The following RBFOX1 variants were observed in gnomAD, a reference collection of about 807,000 sequenced individuals.
The protein encoded by RBFOX1 is RNA binding fox-1 homolog 1, also known as RNA binding protein fox-1 homolog 1.
Under a neutral mutation model 57.7 loss-of-function variants are expected in RBFOX1, and 8 were observed. That is an observed-to-expected ratio of 0.14 (90% CI 0.08 to 0.25). RBFOX1 has a LOEUF of 0.25. Among genes scored for constraint, RBFOX1 ranks in the 10% least tolerant of loss-of-function variants. The pLI is 1.00. For synonymous variants in RBFOX1, 326 were observed against 222.4 expected, an observed-to-expected ratio of 1.47 and a Z score of -4.15; for missense variants, 611 against 548.5, an observed-to-expected ratio of 1.11 and a Z score of -1.14.
intron 3 of RBFOX1, among the ~76,000 whole-genome samples, chr16:5,627,343 G>A (rs1015820721): frequency 2.6e-5 from 4 of 152,074 alleles, no homozygotes; most frequent in Admixed American, 2.6e-4. Context: ...AAACAGTCTG[G>A]TAGAATTGTA....
intron 1 of RBFOX1, among the ~76,000 whole-genome samples, chr16:6,155,765 T>C (rs894397765): frequency 2.0e-5 from 3 of 152,192 alleles, no homozygotes; most frequent in Admixed American, 1.3e-4. Flanking sequence ...GCGGCTTCCA[T>C]GTGGGACTCT....
chr16:5,610,000 C>T (rs1432266309), intron 3 of RBFOX1, among the ~76,000 whole-genome samples: 1 of 152,176 alleles, frequency 6.6e-6, no homozygotes. Flanking sequence ...TGTCTAAGCC[C>T]TGCTTAGCAC....
Position 6,840,431 on chromosome 16 carries a change from C to T in RBFOX1, c.-16+185781C>T, listed in dbSNP as rs541349438. On this transcript the variant is annotated intron_variant, in intron 3 of 15. Transcript: ENST00000550418. ...GTTGAGTATGATCACAGTCTTCTTT[C>T]AACTATAATTAGTAGAATTAACTGC... Among the ~76,000 whole-genome samples, 12 of 152,226 alleles carry T rather than the reference C, an allele frequency of 7.9e-5. No homozygotes were observed. In the South Asian group the frequency reaches 2.5e-3, roughly 32 times the overall value.
At chr16:7,449,370 G>C (rs992111794) in intron 4 of RBFOX1, among the ~76,000 whole-genome samples, 3 of 152,118 alleles carry the variant, frequency 2.0e-5, no homozygotes, top group African/African-American at 7.2e-5. Context: ...AGTAGTCAGT[G>C]GGGGAGAATG....
At chr16:6,243,400 A>G (rs2097550389) in intron 1 of RBFOX1, among the ~76,000 whole-genome samples, 1 of 152,184 alleles carries the variant, frequency 6.6e-6, no homozygotes, top group Non-Finnish European at 1.5e-5. Context: ...TTCTTCCAAT[A>G]ATGCCTGTTA....
At chr16:5,820,757 C>A (rs1177683920) in intron 3 of RBFOX1, among the ~76,000 whole-genome samples, 3 of 152,188 alleles carry the variant, frequency 2.0e-5, no homozygotes. Flanking sequence ...CTCCTGTGCT[C>A]TCCCAGCCTC....
chr16:6,506,668 G>A (rs2096101907), intron 2 of RBFOX1, among the ~76,000 whole-genome samples: 1 of 81,542 alleles, frequency 1.2e-5, no homozygotes. Context: ...TTTTTTTTGA[G>A]ATGGAGTCTC....
rs774463396 is a variant in RBFOX1 at position 5,390,857 on chromosome 16, G to C, written c.220-76359G>C. On this transcript the variant is annotated intron_variant, in intron 1 of 2. Transcript: ENST00000585867. ...ATGCTGAAGCTGTGGCAGCCATCTT[G>C]TCACCATAAGGGAAAGCTAGGACCC... Among the ~76,000 whole-genome samples the C allele has an allele frequency of 2.0e-5, 3 of 152,176 alleles. No individual in the cohort carries two copies. The South Asian group carries it at 6.2e-4, about 32-fold the overall frequency.
At chr16:7,077,495 A>G (rs2058491616) in intron 4 of RBFOX1, among the ~76,000 whole-genome samples, 1 of 152,182 alleles carries the variant, frequency 6.6e-6, no homozygotes, top group Non-Finnish European at 1.5e-5. Context: ...GTAAGATCAT[A>G]AACATGGACT....
intron 3 of RBFOX1, among the ~76,000 whole-genome samples, chr16:6,816,314 A>C (rs76560822): frequency 2.8e-4 from 42 of 152,260 alleles, no homozygotes; most frequent in African/African-American, 9.9e-4. Flanking sequence ...GTTGCAATCA[A>C]TCATTCAGTC....
At chr16:6,173,289 G>A (rs2096975745) in intron 1 of RBFOX1, among the ~76,000 whole-genome samples, 1 of 152,102 alleles carries the variant, frequency 6.6e-6, no homozygotes, top group African/African-American at 2.4e-5. Context: ...CAGGAAAACA[G>A]ATCTCAAATA....
chr16:7,667,509 G>C (rs1192289829), intron 13 of RBFOX1, among the ~76,000 whole-genome samples: 2 of 152,118 alleles, frequency 1.3e-5, no homozygotes, highest in Admixed American at 6.6e-5. Context: ...AGAGATGATG[G>C]TTAAACAGAC....
chr16:6,809,157 T>G (rs2087746333), intron 3 of RBFOX1, among the ~76,000 whole-genome samples: 1 of 152,212 alleles, frequency 6.6e-6, no homozygotes, highest in Non-Finnish European at 1.5e-5. Flanking sequence ...CACTGCTGAT[T>G]TCTGTAAGTC....
At chr16:7,627,238 A>C (rs1230710764) in intron 10 of RBFOX1, among the ~76,000 whole-genome samples, 1 of 151,520 alleles carries the variant, frequency 6.6e-6, no homozygotes, top group Non-Finnish European at 1.5e-5. Flanking sequence ...CTCTAAGAGC[A>C]GGAACAGCAT....
intron 3 of RBFOX1, among the ~76,000 whole-genome samples, chr16:6,711,003 A>T (rs970400743): frequency 6.6e-6 from 1 of 152,204 alleles, no homozygotes; most frequent in African/African-American, 2.4e-5. Flanking sequence ...AAAATGGCAC[A>T]TACCCATTGC....
chr16:7,011,599 C>A (rs13332794), intron 3 of RBFOX1, among the ~76,000 whole-genome samples: 1 of 152,098 alleles, frequency 6.6e-6, no homozygotes, highest in Admixed American at 6.5e-5. Context: ...CTGCAAGCTC[C>A]GCATCCCGGG....
At chr16:7,426,905 A>T (rs2098622459) in intron 4 of RBFOX1, among the ~76,000 whole-genome samples, 1 of 152,206 alleles carries the variant, frequency 6.6e-6, no homozygotes, top group Non-Finnish European at 1.5e-5. Flanking sequence ...AGTCTGTGGC[A>T]GATACACACC....
At chr16:6,661,314 C>T (rs1466398517) in intron 3 of RBFOX1, among the ~76,000 whole-genome samples, 2 of 152,136 alleles carry the variant, frequency 1.3e-5, no homozygotes, top group South Asian at 4.1e-4. Flanking sequence ...CTATGAAAGG[C>T]CCTCCTGGCA....
At chr16:5,564,098 C>T (rs552864029) in intron 2 of RBFOX1, among the ~76,000 whole-genome samples, 1 of 150,390 alleles carries the variant, frequency 6.6e-6, no homozygotes, top group East Asian at 1.9e-4. Flanking sequence ...ACTTCAACCT[C>T]CACCTCCCAG....
Sources: allele counts gnomAD v4.1 joint callset (sites outside exome capture counted in the v4.1 genomes callset), GRCh38; gene constraint gnomAD v4.1.1; transcripts MANE v1.5; gene names NCBI Gene and HGNC (gene_info 2026-07-23, HGNC 2026-07-21).